The following KDM2B variants were observed in gnomAD, a reference collection of about 807,000 sequenced individuals.
The protein encoded by KDM2B is lysine demethylase 2B.
Under a neutral mutation model 150.0 loss-of-function variants are expected in KDM2B, and 26 were observed. The ratio of observed to expected loss-of-function variants is 0.17; its 90% CI spans 0.13 to 0.24. The LOEUF is 0.24. Among genes scored for constraint, KDM2B ranks in the 10% least tolerant of loss-of-function variants. The pLI, the probability that KDM2B is intolerant of heterozygous loss-of-function variation, is 1.00. For missense variants in KDM2B, 1,265 were observed against 1,816.9 expected (o/e 0.70, Z 5.52); for synonymous variants, 734 against 729.5 (o/e 1.01, Z -0.10).
chr12:121,429,850 C>T lies in KDM2B; in HGVS notation c.*438G>A, dbSNP rs1872735583. The T allele has an allele frequency of 8.8e-6, 5 of 569,462 alleles. No individual in the cohort carries two copies. Among genetic ancestry groups the T allele is most frequent in the Non-Finnish European group, 1.6e-5 (5 of 321,630 alleles). The allele number at this position is 569,462 out of a possible 1,614,324, so 35.3% of individuals were successfully genotyped here. On this transcript the variant is annotated 3_prime_UTR_variant, in exon 23 of 23. Coordinates refer to ENST00000377071, the MANE Select transcript of KDM2B (RefSeq NM_032590.5). ...ATAATGTAAGATGTAACAAAACCAA[C>T]CAAACAAAAAAAAGTGTCAAGACGG... is the stretch of plus-strand genomic sequence containing the variant.
chr12:121,458,574 G>A (rs1878636290), intron 12 of KDM2B, among the ~76,000 whole-genome samples: 1 of 152,148 alleles, frequency 6.6e-6, no homozygotes, highest in Non-Finnish European at 1.5e-5. Context: ...GGCTGAGGCA[G>A]GTGGATCCCT....
chr12:121,414,289 A>G, the KDM2B span, among the ~76,000 whole-genome samples: 4 of 152,378 alleles, frequency 2.6e-5, no homozygotes, highest in Admixed American at 1.3e-4. Flanking sequence ...AGATTCTAGA[A>G]TATGCTTAAG....
intron 22 of KDM2B, among the ~76,000 whole-genome samples, chr12:121,437,261 G>T (rs1555287022): frequency 6.6e-6 from 1 of 151,954 alleles, no homozygotes; most frequent in Non-Finnish European, 1.5e-5. Context: ...CATTTGCATA[G>T]AAACTAAGCA....
At chr12:121,421,371 TAAAAAAAAAA>T in the KDM2B span, among the ~76,000 whole-genome samples, 1,437 of 46,390 alleles carry the variant, frequency 0.031, 43 homozygotes, top group African/African-American at 0.091. Context: ...ATCCCATCTC[TAAAAAAAAAA>T]AAAAAAAAAA....
chr12:121,480,890 G>GA (rs1328348040), intron 12 of KDM2B, among the ~76,000 whole-genome samples: 8 of 148,700 alleles, frequency 5.4e-5, no homozygotes, highest in African/African-American at 1.7e-4. Context: ...TAAATGACAA[G>GA]AAAAAAAATG....
Position 121,521,261 on chromosome 12 carries a change from A to G in KDM2B, c.932-161T>C, listed in dbSNP as rs1176084860. Among the ~76,000 whole-genome samples, 1 of 152,132 alleles carries G rather than the reference A, an allele frequency of 6.6e-6. No individual in the cohort carries two copies. Among genetic ancestry groups the G allele is most frequent in the Non-Finnish European group, 1.5e-5 (1 of 68,004 alleles). On this transcript the variant is annotated intron_variant, in intron 8 of 22. Coordinates refer to ENST00000377071, the MANE Select transcript of KDM2B (RefSeq NM_032590.5). The surrounding 1 kb of genome is among the most constrained non-coding windows in gnomAD (Gnocchi z 4.9). ...CGGCGCCCAGCAATGCCTGCTGCAC[A>G]ACGCCCAGGCCTGAGCCGCCGAGAG...
intron 12 of KDM2B, among the ~76,000 whole-genome samples, chr12:121,460,311 T>A (rs1034063489): frequency 6.6e-6 from 1 of 152,230 alleles, no homozygotes; most frequent in African/African-American, 2.4e-5. Flanking sequence ...ATGATGACAT[T>A]AAAAACTAAC....
intron 21 of KDM2B, 28 bp downstream of exon 21, chr12:121,440,788 C>A (rs1555287982): frequency 1.9e-6 from 3 of 1,582,892 alleles, no homozygotes; most frequent in Admixed American, 1.8e-5. Context: ...ACCCCACCCC[C>A]ACAGAAACCC....
chr12:121,534,906 C>T (rs1887965953), intron 6 of KDM2B, among the ~76,000 whole-genome samples: 1 of 152,066 alleles, frequency 6.6e-6, no homozygotes, highest in Non-Finnish European at 1.5e-5. Context: ...GGGTTTCTAC[C>T]TTTGCCCCAC....
chr12:121,537,893 C>A lies in KDM2B; in HGVS notation c.684-3303G>T, dbSNP rs1389670117. Reference sequence around the variant, plus strand: ...CGCCACAAAGGAGGGGGCGCCCGGGCAGCGCGGCCCGCGGTTACCCTCGGC... The same window carrying A: ...CGCCACAAAGGAGGGGGCGCCCGGGAAGCGCGGCCCGCGGTTACCCTCGGC... On this transcript the variant is annotated intron_variant, in intron 6 of 22. Transcript: ENST00000377071. The surrounding 1 kb of genome is among the most constrained non-coding windows in gnomAD (Gnocchi z 8.7). Among the ~76,000 whole-genome samples, 2 of 151,430 alleles carry A rather than the reference C, an allele frequency of 1.3e-5. No homozygotes were observed. The highest frequency in any genetic ancestry group is 4.8e-5 in the African/African-American group (2 of 41,328).
chr12:121,420,302 G>T, the KDM2B span: 3 of 1,584,616 alleles, frequency 1.9e-6, no homozygotes, highest in Non-Finnish European at 2.6e-6. Context: ...TGATGAGGAT[G>T]ATGATGATGA....
At chr12:121,558,542 C>T (rs781843536) in intron 4 of KDM2B, among the ~76,000 whole-genome samples, 4 of 151,898 alleles carry the variant, frequency 2.6e-5, no homozygotes, top group Non-Finnish European at 4.4e-5. Context: ...CAGCCTCCGC[C>T]TCTTGGGTTC....
chr12:121,449,727 A>G (rs536815366), intron 13 of KDM2B, among the ~76,000 whole-genome samples: 41 of 152,318 alleles, frequency 2.7e-4, no homozygotes, highest in African/African-American at 9.9e-4. Flanking sequence ...ATAGGATCCA[A>G]TGGGTCACAT....
At chr12:121,484,555 C>A (rs1555298472) in intron 12 of KDM2B, among the ~76,000 whole-genome samples, 4 of 152,102 alleles carry the variant, frequency 2.6e-5, no homozygotes, top group African/African-American at 9.7e-5. Flanking sequence ...TGGTGGCTCA[C>A]GCCTGTAGTC....
chr12:121,580,289 C>A (rs963304635), intron 1 of KDM2B: 8 of 1,254,692 alleles, frequency 6.4e-6, no homozygotes, highest in Non-Finnish European at 8.0e-6. Context: ...ATCCCCGGAA[C>A]GTAAACATTG....
chr12:121,412,380 C>T, the KDM2B span, among the ~76,000 whole-genome samples: 2 of 151,702 alleles, frequency 1.3e-5, no homozygotes, highest in Non-Finnish European at 2.9e-5. Context: ...GCTGGGACTA[C>T]AGGTGCCCGC....
chr12:121,551,385 A>T (rs896422262), intron 4 of KDM2B, among the ~76,000 whole-genome samples: 28 of 139,738 alleles, frequency 2.0e-4, no homozygotes, highest in Admixed American at 3.1e-4. Context: ...TCGCTCTGTC[A>T]CCCAGGCTGG....
intron 12 of KDM2B, among the ~76,000 whole-genome samples, chr12:121,472,197 G>C (rs554909864): frequency 1.5e-4 from 23 of 152,320 alleles, no homozygotes; most frequent in African/African-American, 4.6e-4. Context: ...AAGCAATTGA[G>C]AATGCGCGCT....
intron 4 of KDM2B, among the ~76,000 whole-genome samples, chr12:121,558,148 C>G (rs1197829266): frequency 2.0e-5 from 3 of 152,226 alleles, no homozygotes; most frequent in Non-Finnish European, 4.4e-5. Context: ...GATCGCTACT[C>G]TAGTCCAGAT....
Sources: allele counts gnomAD v4.1 joint callset (sites outside exome capture counted in the v4.1 genomes callset), GRCh38; gene constraint gnomAD v4.1.1; non-coding constraint Gnocchi (gnomAD v3.1); transcripts MANE v1.5; gene names NCBI Gene and HGNC (gene_info 2026-07-23, HGNC 2026-07-21).